Variants in BMPER observed in about 807,000 individuals in gnomAD.
BMPER encodes BMP-binding endothelial regulator protein.
Under a neutral mutation model 87.3 loss-of-function variants are expected in BMPER, and 45 were observed. The observed-to-expected ratio is 0.52, with a 90% CI of 0.41 to 0.66. The LOEUF (loss-of-function observed/expected upper bound fraction) is 0.66. Among genes scored for constraint, BMPER ranks in the 30% least tolerant of loss-of-function variants. The pLI, the probability that BMPER is intolerant of heterozygous loss-of-function variation, is 0.00. For synonymous variants in BMPER, 326 were observed against 316.2 expected, an observed-to-expected ratio of 1.03 and a Z score of -0.33; for missense variants, 784 against 867.5, an observed-to-expected ratio of 0.90 and a Z score of 1.21.
At chr7:34,046,908 C>T (rs1203620149) in intron 7 of BMPER, among the ~76,000 whole-genome samples, 1 of 147,740 alleles carries the variant, frequency 6.8e-6, no homozygotes, top group Admixed American at 6.9e-5. Flanking sequence ...AGGTATTAGG[C>T]ACCATGCTAG....
At chr7:33,946,189 C>T (rs1403219197) in intron 3 of BMPER, among the ~76,000 whole-genome samples, 1 of 152,088 alleles carries the variant, frequency 6.6e-6, no homozygotes, top group Non-Finnish European at 1.5e-5. Flanking sequence ...CTTATAAAAC[C>T]ATCAGATCTC....
rs185576611 is a variant in BMPER, at chr7:34,117,041, T to C, written c.1746-26189T>C. Among the ~76,000 whole-genome samples the C allele has an allele frequency of 3.7e-3, 567 of 152,068 alleles. 2 individuals carry two copies. The highest frequency in any genetic ancestry group is 0.013 in the African/African-American group (543 of 41,504). On this transcript the variant is annotated intron_variant, in intron 13 of 14. Transcript: ENST00000649409. The stretch of plus-strand genomic sequence containing the variant: ...GCAGATTGGGATTCTTAAGTCACTC[T>C]TTCTCCTTAATGGGTATTATTATTG...
At chr7:34,073,916 G>C (rs575946813) in intron 11 of BMPER, among the ~76,000 whole-genome samples, 1 of 152,362 alleles carries the variant, frequency 6.6e-6, no homozygotes, top group Non-Finnish European at 1.5e-5. Flanking sequence ...AACTGTGAGG[G>C]AGTGCTGGGC....
At chr7:34,004,196 T>A (rs1009711140) in intron 6 of BMPER, among the ~76,000 whole-genome samples, 1 of 152,140 alleles carries the variant, frequency 6.6e-6, no homozygotes. Context: ...CCTGCAGGAA[T>A]TTTTCATTAC....
intron 6 of BMPER, among the ~76,000 whole-genome samples, chr7:34,019,949 GTT>G (rs113364621): frequency 2.5e-3 from 340 of 138,090 alleles, no homozygotes; most frequent in African/African-American, 6.1e-3. Context: ...TTTTTAGAAG[GTT>G]TTTTTTTTTT....
intron 6 of BMPER, among the ~76,000 whole-genome samples, chr7:34,025,148 T>G (rs1009078728): frequency 1.1e-4 from 17 of 152,154 alleles, no homozygotes; most frequent in Admixed American, 7.9e-4. Flanking sequence ...TGAAAGTGGT[T>G]TGTTCTTCCT....
At chr7:34,084,916 AG>A (rs1789157771) in intron 12 of BMPER, among the ~76,000 whole-genome samples, 1 of 152,242 alleles carries the variant, frequency 6.6e-6, no homozygotes, top group Non-Finnish European at 1.5e-5. Context: ...CAAACCAAGA[AG>A]GGTCTAAGTT....
chr7:34,025,402 G>A (rs1220309062), intron 6 of BMPER, among the ~76,000 whole-genome samples: 6 of 152,110 alleles, frequency 3.9e-5, no homozygotes, highest in South Asian at 4.1e-4. Flanking sequence ...AGCTTCAGGC[G>A]AATGGTGGGT....
chr7:34,068,712 T>G (rs1050650593), intron 11 of BMPER, among the ~76,000 whole-genome samples: 2 of 152,228 alleles, frequency 1.3e-5, no homozygotes, highest in African/African-American at 2.4e-5. Flanking sequence ...AGTTTTGAAC[T>G]TGAAATAACT....
At chr7:34,102,821 C>G (rs1053386800) in intron 13 of BMPER, among the ~76,000 whole-genome samples, 1 of 152,060 alleles carries the variant, frequency 6.6e-6, no homozygotes, top group African/African-American at 2.4e-5. Flanking sequence ...TAAGCAGACA[C>G]ATACATAATA....
chr7:33,946,682 T>C (rs1382197874), intron 3 of BMPER, among the ~76,000 whole-genome samples: 1 of 152,196 alleles, frequency 6.6e-6, no homozygotes, highest in Non-Finnish European at 1.5e-5. Flanking sequence ...CACAAAAAGA[T>C]AACAGAATCC....
intron 3 of BMPER, among the ~76,000 whole-genome samples, chr7:33,954,503 A>G (rs1785103542): frequency 6.6e-6 from 1 of 152,248 alleles, no homozygotes; most frequent in Non-Finnish European, 1.5e-5. Context: ...CTTGGAAATC[A>G]GAATGCATTT....
rs35246239 is a variant in BMPER at position 33,930,690 on chromosome 7, C to T, written c.220-6599C>T. Among the ~76,000 whole-genome samples, 923 of 152,236 alleles carry T rather than the reference C, an allele frequency of 6.1e-3. 10 individuals are homozygous for T. The highest frequency in any genetic ancestry group is 8.3e-3 in the Admixed American group (127 of 15,290). On this transcript the variant is annotated intron_variant, in intron 2 of 14. Transcript: ENST00000649409. The stretch of plus-strand genomic sequence containing the variant: ...GGTTCAGTGGCTCACAGCTATAATC[C>T]CAGCACTTTGGGAGGCCGAGGTGGA...
At chr7:33,983,048 G>A (rs946653567) in intron 6 of BMPER, among the ~76,000 whole-genome samples, 1 of 152,134 alleles carries the variant, frequency 6.6e-6, no homozygotes, top group African/African-American at 2.4e-5. Context: ...GAGCATAGTT[G>A]AGTTATCTGT....
rs145067547 is a variant in BMPER at position 34,079,019 on chromosome 7, C to T, written c.1241C>T (p.Ser414Phe). 15 of 1,614,228 alleles carry T rather than the reference C, an allele frequency of 9.3e-6. No individual in the cohort carries two copies. The African/African-American group carries it at 2.0e-4, about 22-fold the overall frequency. Reference sequence around the variant, plus strand: ...AAGAACGACGCCCGCCGGACACGCTCCTTCTCGTGGACCAAGTCGGTGGAG... The same window carrying T: ...AAGAACGACGCCCGCCGGACACGCTTCTTCTCGTGGACCAAGTCGGTGGAG... Reference protein sequence around the residue: ...LVKNDARRTRSFSWTKSVELV... With the variant: ...LVKNDARRTRFFSWTKSVELV... Residue 414 changes from serine (S) to phenylalanine (F), a missense_variant, in exon 12 of 15, where the codon TCC (serine) becomes TTC (phenylalanine). Ser to Phe is a radical substitution (Grantham distance 155). Transcript: ENST00000649409.
At chr7:33,915,746 G>A (rs375541042) in intron 2 of BMPER, among the ~76,000 whole-genome samples, 14 of 152,340 alleles carry the variant, frequency 9.2e-5, no homozygotes, top group African/African-American at 3.4e-4. Context: ...CAGTGTAAAT[G>A]AAATTGTTAT....
In BMPER at chr7:34,071,629, C is replaced by T. The variant is rs775609722; in HGVS notation, c.1079-7228C>T. On this transcript the variant is annotated intron_variant, in intron 11 of 14. Transcript: ENST00000649409. ...AGTAGGGAAGAAGATGTTTTAAGGTCGGTTCTTGGATAGTGAGAGTGGCAA... is the reference window on the plus strand; with the variant it reads ...AGTAGGGAAGAAGATGTTTTAAGGTTGGTTCTTGGATAGTGAGAGTGGCAA... Among the ~76,000 whole-genome samples, 6 of 148,474 alleles carry T rather than the reference C, an allele frequency of 4.0e-5. No individual in the cohort carries two copies. The East Asian group carries it at 8.0e-4, about 20-fold the overall frequency.
chr7:33,949,851 A>C (rs1441568792), intron 3 of BMPER, among the ~76,000 whole-genome samples: 1 of 152,210 alleles, frequency 6.6e-6, no homozygotes, highest in African/African-American at 2.4e-5. Context: ...AGATGTATAA[A>C]ATGTTACAAT....
chr7:33,973,391 T>C (rs993392008), intron 5 of BMPER, among the ~76,000 whole-genome samples: 1 of 152,240 alleles, frequency 6.6e-6, no homozygotes, highest in Non-Finnish European at 1.5e-5. Context: ...AGGAGCTGGT[T>C]GATTGCTAAC....
Sources: gnomAD v4.1 joint callset for allele counts (sites outside exome capture counted in the v4.1 genomes callset) on GRCh38, gnomAD v4.1.1 for gene constraint, MANE v1.5 for transcripts, NCBI Gene and HGNC (gene_info 2026-07-23, HGNC 2026-07-21) for gene names.